BLTP3A: variants seen among roughly 807,000 people sequenced by gnomAD.
The protein encoded by BLTP3A is bridge-like lipid transfer protein family member 3A.
chr6:34,808,109 C>T, the BLTP3A span, among the ~76,000 whole-genome samples: 5 of 151,416 alleles, frequency 3.3e-5, no homozygotes, highest in African/African-American at 1.2e-4. Flanking sequence ...TTTGGGAGGC[C>T]GAGGCGGGTG....
At chr6:34,871,324 C>T in the BLTP3A span, among the ~76,000 whole-genome samples, 1 of 151,984 alleles carries the variant, frequency 6.6e-6, no homozygotes, top group South Asian at 2.1e-4. Context: ...TCAGAAAAGC[C>T]AGGGTTCAGG....
the BLTP3A span, chr6:34,855,676 T>C: frequency 1.2e-6 from 2 of 1,613,826 alleles, no homozygotes; most frequent in Non-Finnish European, 1.7e-6. Context: ...CAAGATGGCG[T>C]TTGACTATTA....
the BLTP3A span, chr6:34,834,929 T>A: frequency 1.9e-6 from 3 of 1,567,318 alleles, no homozygotes; most frequent in Middle Eastern, 5.1e-4. Flanking sequence ...GGATTTGGTA[T>A]TCCCTTATTG....
the BLTP3A span, chr6:34,876,967 T>C: frequency 6.6e-6 from 1 of 152,550 alleles, no homozygotes; most frequent in Non-Finnish European, 1.5e-5. Flanking sequence ...GCAATAGATA[T>C]AGTTCCTGTG....
chr6:34,848,635 G>T, the BLTP3A span, among the ~76,000 whole-genome samples: 1 of 151,096 alleles, frequency 6.6e-6, no homozygotes. Flanking sequence ...TAGCTATTCC[G>T]TCTCTTTTTT....
the BLTP3A span, among the ~76,000 whole-genome samples, chr6:34,824,306 G>A: frequency 6.6e-4 from 101 of 152,066 alleles, no homozygotes; most frequent in Non-Finnish European, 5.7e-4. Flanking sequence ...GCTGAGGTGG[G>A]CAGATTACCT....
chr6:34,835,429 C>T, the BLTP3A span: 1 of 1,614,066 alleles, frequency 6.2e-7, no homozygotes, highest in Non-Finnish European at 8.5e-7. Context: ...GAAGTCAGCC[C>T]ATCAAAGAAA....
At chr6:34,801,988 C>T in the BLTP3A span, among the ~76,000 whole-genome samples, 32,081 of 152,010 alleles carry the variant, frequency 0.21, 4,121 homozygotes, top group African/African-American at 0.35. Flanking sequence ...CCACCCACCT[C>T]GGCCTCCCCA....
chr6:34,847,483 A>G, the BLTP3A span, among the ~76,000 whole-genome samples: 1 of 151,922 alleles, frequency 6.6e-6, no homozygotes, highest in Non-Finnish European at 1.5e-5. Flanking sequence ...TGATCTCATT[A>G]CTTGTTATTA....
At chr6:34,861,008 CA>C in the BLTP3A span, among the ~76,000 whole-genome samples, 1 of 152,212 alleles carries the variant, frequency 6.6e-6, no homozygotes, top group Admixed American at 6.5e-5. Flanking sequence ...TAACCCCACC[CA>C]GTTACTCTCA....
the BLTP3A span, among the ~76,000 whole-genome samples, chr6:34,835,091 A>T: frequency 6.6e-6 from 1 of 152,304 alleles, no homozygotes; most frequent in South Asian, 2.1e-4. Context: ...GGACACTGAC[A>T]TAGGCACCTG....
At chr6:34,867,615 A>G in the BLTP3A span, 164 of 1,612,142 alleles carry the variant, frequency 1.0e-4, no homozygotes, top group African/African-American at 8.1e-4. Context: ...GACAGTGCCC[A>G]GGTAAGGATG....
At chr6:34,835,854 A>G in the BLTP3A span, among the ~76,000 whole-genome samples, 1 of 152,238 alleles carries the variant, frequency 6.6e-6, no homozygotes, top group Admixed American at 6.5e-5. Context: ...CATTTAGGGA[A>G]GACGTCCTAG....
chr6:34,860,875 G>A, the BLTP3A span, among the ~76,000 whole-genome samples: 1 of 152,164 alleles, frequency 6.6e-6, no homozygotes, highest in Non-Finnish European at 1.5e-5. Flanking sequence ...TGTGAAATGA[G>A]CCCTTTTAAA....
chr6:34,826,458 A>C, the BLTP3A span, among the ~76,000 whole-genome samples: 1,110 of 150,980 alleles, frequency 7.4e-3, 21 homozygotes, highest in African/African-American at 0.026. Flanking sequence ...TCCTGGGCTC[A>C]AGCGATTCTC....
the BLTP3A span, among the ~76,000 whole-genome samples, chr6:34,801,139 G>T: frequency 6.6e-6 from 1 of 152,206 alleles, no homozygotes; most frequent in Non-Finnish European, 1.5e-5. Flanking sequence ...TGCATTGGTT[G>T]TATGTAGCTT....
the BLTP3A span, among the ~76,000 whole-genome samples, chr6:34,868,162 T>C: frequency 6.6e-6 from 1 of 151,498 alleles, no homozygotes; most frequent in Non-Finnish European, 1.5e-5. Context: ...AAAAATTAGC[T>C]GGGCGTGGTG....
the BLTP3A span, among the ~76,000 whole-genome samples, chr6:34,861,364 G>C: frequency 6.6e-6 from 1 of 152,152 alleles, no homozygotes; most frequent in Non-Finnish European, 1.5e-5. Context: ...GGGCTCAAGC[G>C]ATTCACCCAC....
At chr6:34,829,027 C>CAAAAAAAAAAAAAAAAA in the BLTP3A span, among the ~76,000 whole-genome samples, 4 of 50,726 alleles carry the variant, frequency 7.9e-5, no homozygotes, top group Non-Finnish European at 1.3e-4. Flanking sequence ...AACTCCATCT[C>CAAAAAAAAAAAAAAAAA]AAAAAAAAAA....
Sources: allele counts gnomAD v4.1 joint callset (sites outside exome capture counted in the v4.1 genomes callset), GRCh38; gene constraint gnomAD v4.1.1; transcripts MANE v1.5; gene names NCBI Gene and HGNC (gene_info 2026-07-23, HGNC 2026-07-21).